The following USP34 variants were observed in gnomAD, a reference collection of about 807,000 sequenced individuals.
USP34 encodes the protein ubiquitin specific peptidase 34, also known as ubiquitin carboxyl-terminal hydrolase 34.
In USP34, 70 loss-of-function variants were observed where a neutral mutation model predicts 460.3. That is an observed-to-expected ratio of 0.15 (90% CI 0.13 to 0.19). The LOEUF (loss-of-function observed/expected upper bound fraction) is 0.19. Among genes scored for constraint, USP34 ranks in the 10% least tolerant of loss-of-function variants. The pLI, the probability that USP34 is intolerant of heterozygous loss-of-function variation, is 1.00. For missense variants in USP34, 3,985 were observed against 4,236.2 expected (o/e 0.94, Z 1.65); for synonymous variants, 1,647 against 1,405.3 (o/e 1.17, Z -3.85).
intron 5 of USP34, among the ~76,000 whole-genome samples, chr2:61,393,534 G>A (rs780102994): frequency 6.6e-6 from 1 of 151,484 alleles, no homozygotes; most frequent in Non-Finnish European, 1.5e-5. Context: ...AACTAAAAAT[G>A]ACCTTGATAG....
intron 7 of USP34, 77 bp downstream of exon 7, chr2:61,380,092 C>G (rs931109859): frequency 4.2e-5 from 54 of 1,295,076 alleles, no homozygotes; most frequent in Non-Finnish European, 5.1e-5. Context: ...ATGAAGTGCT[C>G]CATAAATAGT....
At chr2:61,429,045 A>G (rs990330616) in intron 1 of USP34, among the ~76,000 whole-genome samples, 1 of 152,190 alleles carries the variant, frequency 6.6e-6, no homozygotes, top group Non-Finnish European at 1.5e-5. Context: ...AAATAAATAA[A>G]AAGGATGCGC....
At chr2:61,349,317 A>G in intron 12 of USP34, 32 bp from the exon 13 acceptor site, 1 of 1,608,700 alleles carries the variant, frequency 6.2e-7, no homozygotes, top group Non-Finnish European at 8.5e-7. Flanking sequence ...GGAGAAAAAC[A>G]TTCTAAGTGA....
chr2:61,331,224 CAAAGG>C, intron 20 of USP34, 47 bp downstream of exon 20: 2 of 1,455,210 alleles, frequency 1.4e-6, no homozygotes, highest in Non-Finnish European at 1.9e-6. Context: ...AATCATCTTT[CAAAGG>C]AAAGACATCG....
intron 1 of USP34, among the ~76,000 whole-genome samples, chr2:61,445,886 T>G (rs965115535): frequency 2.4e-4 from 37 of 151,674 alleles, no homozygotes; most frequent in African/African-American, 4.8e-5. Flanking sequence ...AGGCAGAGGT[T>G]GCAGTGAGCT....
At chr2:61,378,286 T>C in intron 8 of USP34, 77 bp downstream of exon 8, 1 of 1,140,234 alleles carries the variant, frequency 8.8e-7, no homozygotes. Context: ...ATTTTAAATC[T>C]AAAAATTAGA....
intron 1 of USP34, among the ~76,000 whole-genome samples, chr2:61,457,308 T>C (rs981480966): frequency 2.6e-5 from 4 of 152,040 alleles, no homozygotes; most frequent in Admixed American, 6.6e-5. Context: ...TCTGTTACCA[T>C]AGGAAGGGCC....
At chr2:61,459,384 A>G (rs1392338578) in intron 1 of USP34, among the ~76,000 whole-genome samples, 1 of 152,226 alleles carries the variant, frequency 6.6e-6, no homozygotes, top group Non-Finnish European at 1.5e-5. Flanking sequence ...AAATAGCTAC[A>G]GAAGTGTATT....
chr2:61,315,658 AG>A (rs1690721767), intron 23 of USP34, among the ~76,000 whole-genome samples: 1 of 152,084 alleles, frequency 6.6e-6, no homozygotes, highest in Non-Finnish European at 1.5e-5. Flanking sequence ...TACAGGTGTG[AG>A]CCACTGCGTC....
intron 5 of USP34, among the ~76,000 whole-genome samples, chr2:61,388,455 TTAA>T (rs1263809709): frequency 7.7e-4 from 90 of 116,290 alleles, no homozygotes; most frequent in African/African-American, 2.6e-3. Flanking sequence ...ACAGGGGAGT[TTAA>T]AAAAAAAAAA....
Position 61,348,079 on chromosome 2 carries a change from C to T in USP34, c.2076G>A (p.Leu692=), listed in dbSNP as rs1691827574. 5 of 1,614,136 alleles carry T rather than the reference C, an allele frequency of 3.1e-6. No individual in the cohort carries two copies. The highest frequency in any genetic ancestry group is 1.3e-5 in the African/African-American group (1 of 75,026). ...LPSVDNRMRM[L]DACSHSEDPE... ...GGTCTTCAGAGTGTGAACAAGCATC[C>T]AGCATTCGCATTCGATTATCTACTG... is the stretch of plus-strand genomic sequence containing the variant. The change falls in exon 15 of 80, where the codon CTG becomes CTA. Residue 692 remains leucine (L), a synonymous_variant. Transcript: ENST00000398571.
At chr2:61,212,662 C>T (rs780682517) in intron 68 of USP34, among the ~76,000 whole-genome samples, 3 of 152,114 alleles carry the variant, frequency 2.0e-5, no homozygotes, top group South Asian at 4.1e-4. Context: ...ACTGAAACCC[C>T]CAGCTTCTTA....
chr2:61,317,588 G>T, intron 23 of USP34, 66 bp downstream of exon 23: 1 of 1,413,644 alleles, frequency 7.1e-7, no homozygotes. Flanking sequence ...AAATAATTTG[G>T]AAACCGAATT....
intron 37 of USP34, among the ~76,000 whole-genome samples, chr2:61,282,166 T>C (rs6706207): frequency 1.9e-4 from 29 of 152,146 alleles, no homozygotes; most frequent in African/African-American, 6.5e-4. Context: ...ATTTTTTGTA[T>C]TTTTAGTAGG....
intron 53 of USP34, 149 bp from the exon 54 acceptor site, chr2:61,236,538 T>C (rs1688073265): frequency 1.6e-6 from 1 of 606,888 alleles, no homozygotes; most frequent in Non-Finnish European, 2.8e-6. Flanking sequence ...TTTTCCCAAG[T>C]ATATTCATAT....
Position 61,221,619 on chromosome 2 carries a change from T to G in USP34, c.7795-13A>C. 1 of 1,609,972 alleles carries G rather than the reference T, an allele frequency of 6.2e-7. No homozygotes were observed. The highest frequency in any genetic ancestry group is 8.5e-7 in the Non-Finnish European group (1 of 1,176,648). On this transcript the variant is annotated splice_polypyrimidine_tract_variant and intron_variant, in intron 65 of 79. Coordinates refer to ENST00000398571, the MANE Select transcript of USP34 (RefSeq NM_014709.4). Reference sequence around the variant, plus strand: ...AAGGATTGGCTGCCTGTAAAACACATACATGACTGTGTATTTAGATCAATC... The same window carrying G: ...AAGGATTGGCTGCCTGTAAAACACAGACATGACTGTGTATTTAGATCAATC...
intron 53 of USP34, among the ~76,000 whole-genome samples, chr2:61,240,507 G>T (rs185703947): frequency 2.0e-5 from 3 of 151,812 alleles, no homozygotes; most frequent in Non-Finnish European, 4.4e-5. Context: ...CTCAATCTCC[G>T]GACCTCGTGA....
chr2:61,294,086 C>T (rs904984622), intron 32 of USP34, among the ~76,000 whole-genome samples: 22 of 152,066 alleles, frequency 1.4e-4, no homozygotes, highest in African/African-American at 4.3e-4. Context: ...TGGCTCACGC[C>T]TGTAATCCCA....
At chr2:61,231,531 G>C (rs1572854939) in intron 58 of USP34, among the ~76,000 whole-genome samples, 2 of 151,982 alleles carry the variant, frequency 1.3e-5, no homozygotes, top group African/African-American at 4.8e-5. Context: ...TAGGCAACAG[G>C]GGAGAGACAC....
Sources: gnomAD v4.1 joint callset for allele counts (sites outside exome capture counted in the v4.1 genomes callset) on GRCh38, gnomAD v4.1.1 for gene constraint, MANE v1.5 for transcripts, NCBI Gene and HGNC (gene_info 2026-07-23, HGNC 2026-07-21) for gene names.